The following SCHIP1 variants were observed in gnomAD, a reference collection of about 807,000 sequenced individuals.
SCHIP1 encodes the protein schwannomin-interacting protein 1.
Under a neutral mutation model 29.7 loss-of-function variants are expected in SCHIP1, and 8 were observed. The ratio of observed to expected loss-of-function variants is 0.27; its 90% CI spans 0.16 to 0.49. SCHIP1 has a LOEUF of 0.49. SCHIP1 is among the 20% of genes least tolerant of loss of function. The pLI, the probability that SCHIP1 is intolerant of heterozygous loss-of-function variation, is 0.99. For missense variants in SCHIP1, 193 were observed against 294.6 expected (o/e 0.66, Z 2.52); for synonymous variants, 76 against 94.9 (o/e 0.80, Z 1.16).
At chr3:159,758,350 A>G in the SCHIP1 span, among the ~76,000 whole-genome samples, 1 of 151,956 alleles carries the variant, frequency 6.6e-6, no homozygotes, top group South Asian at 2.1e-4. Context: ...GCGGTGTTTC[A>G]CTATGTTGGC....
the SCHIP1 span, among the ~76,000 whole-genome samples, chr3:159,297,126 TTGTGTG>T: frequency 0.3 from 42,895 of 143,116 alleles, 6,259 homozygotes; most frequent in Middle Eastern, 0.38. Flanking sequence ...TAATATTCCA[TTGTGTG>T]TGTGTGTGTG....
exon 3 of SCHIP1, chr3:159,886,247 G>A (rs747456396): frequency 6.2e-6 from 10 of 1,614,034 alleles, no homozygotes; most frequent in East Asian, 2.2e-5. Flanking sequence ...CTTTGTCAAC[G>A]ACAGTGGCAG....
intron 5 of SCHIP1, among the ~76,000 whole-genome samples, chr3:159,891,137 C>T (rs933901811): frequency 2.6e-5 from 4 of 152,006 alleles, no homozygotes; most frequent in Non-Finnish European, 5.9e-5. Context: ...TTTGGGAGGC[C>T]GAGGCGGGCA....
At chr3:159,441,459 A>T in the SCHIP1 span, among the ~76,000 whole-genome samples, 1 of 152,122 alleles carries the variant, frequency 6.6e-6, no homozygotes, top group African/African-American at 2.4e-5. Context: ...GCACAAGCCA[A>T]GCAGCCAGGT....
At chr3:159,536,181 C>A in the SCHIP1 span, among the ~76,000 whole-genome samples, 14 of 152,148 alleles carry the variant, frequency 9.2e-5, no homozygotes, top group Non-Finnish European at 1.6e-4. Flanking sequence ...TAGAGCCTGG[C>A]TCAAACTAGC....
upstream of SCHIP1, among the ~76,000 whole-genome samples, chr3:159,836,791 T>A (rs1365170790): frequency 6.6e-6 from 1 of 152,248 alleles, no homozygotes; most frequent in Admixed American, 6.5e-5. Flanking sequence ...TATTTTTTAG[T>A]TAAAGATAAC....
chr3:159,443,135 A>T, the SCHIP1 span, among the ~76,000 whole-genome samples: 1 of 152,156 alleles, frequency 6.6e-6, no homozygotes, highest in Non-Finnish European at 1.5e-5. Flanking sequence ...AAAATATTTC[A>T]TGTGTGAGAC....
At chr3:159,368,474 A>G in the SCHIP1 span, among the ~76,000 whole-genome samples, 4 of 152,206 alleles carry the variant, frequency 2.6e-5, no homozygotes, top group African/African-American at 9.6e-5. Flanking sequence ...CAGAAGACCT[A>G]TGCTTAAGTC....
chr3:159,610,827 T>C, the SCHIP1 span, among the ~76,000 whole-genome samples: 4 of 152,046 alleles, frequency 2.6e-5, no homozygotes, highest in African/African-American at 9.7e-5. Context: ...CATTTTTCAG[T>C]GAAGAGCTCA....
At chr3:159,883,497 G>A (rs1716651262) in intron 2 of SCHIP1, among the ~76,000 whole-genome samples, 1 of 152,086 alleles carries the variant, frequency 6.6e-6, no homozygotes, top group Admixed American at 6.5e-5. Flanking sequence ...AGCAGCACCA[G>A]GTGGCCCCAC....
At chr3:159,671,413 C>T in the SCHIP1 span, among the ~76,000 whole-genome samples, 1 of 152,116 alleles carries the variant, frequency 6.6e-6, no homozygotes, top group East Asian at 1.9e-4. Context: ...CTTCTCGGTC[C>T]AGGTATCTTC....
At chr3:159,554,432 T>G in the SCHIP1 span, among the ~76,000 whole-genome samples, 1 of 152,186 alleles carries the variant, frequency 6.6e-6, no homozygotes, top group Non-Finnish European at 1.5e-5. Flanking sequence ...CATTCCTACC[T>G]TCCCCTGCTT....
chr3:159,705,928 G>A, the SCHIP1 span, among the ~76,000 whole-genome samples: 1 of 151,858 alleles, frequency 6.6e-6, no homozygotes, highest in Non-Finnish European at 1.5e-5. Flanking sequence ...GCTGGTCTCG[G>A]AGTCCTGACC....
At chr3:159,580,977 T>C in the SCHIP1 span, among the ~76,000 whole-genome samples, 1 of 152,192 alleles carries the variant, frequency 6.6e-6, no homozygotes, top group Non-Finnish European at 1.5e-5. Flanking sequence ...TGTCTCTTTT[T>C]AGAACTTCAG....
At chr3:159,293,301 T>C in the SCHIP1 span, among the ~76,000 whole-genome samples, 1 of 152,200 alleles carries the variant, frequency 6.6e-6, no homozygotes, top group South Asian at 2.1e-4. Context: ...CATGTTCCCA[T>C]GTGGATATGG....
chr3:159,659,707 C>CT, the SCHIP1 span, among the ~76,000 whole-genome samples: 16 of 151,906 alleles, frequency 1.1e-4, no homozygotes, highest in African/African-American at 3.6e-4. Flanking sequence ...TGAATCATGC[C>CT]TTTTTGTGGT....
chr3:159,776,847 T>C, the SCHIP1 span, among the ~76,000 whole-genome samples: 1 of 152,080 alleles, frequency 6.6e-6, no homozygotes, highest in Non-Finnish European at 1.5e-5. Context: ...ATGAGAATAT[T>C]AGAGCTAAGA....
the SCHIP1 span, among the ~76,000 whole-genome samples, chr3:159,307,628 C>T: frequency 6.6e-6 from 1 of 151,992 alleles, no homozygotes. Context: ...AGGACTTAGC[C>T]AAAAATTCTT....
the SCHIP1 span, among the ~76,000 whole-genome samples, chr3:159,717,805 A>G: frequency 6.6e-6 from 1 of 152,222 alleles, no homozygotes; most frequent in Non-Finnish European, 1.5e-5. Context: ...AGAGGTACAA[A>G]GAGGAGCTGG....
Sources: gnomAD v4.1 joint callset for allele counts (sites outside exome capture counted in the v4.1 genomes callset) on GRCh38, gnomAD v4.1.1 for gene constraint, MANE v1.5 for transcripts, NCBI Gene and HGNC (gene_info 2026-07-23, HGNC 2026-07-21) for gene names.